Variants in ZNF704 observed in about 807,000 individuals in gnomAD.
The protein encoded by ZNF704 is zinc finger protein 704.
In ZNF704, 10 loss-of-function variants were observed where a neutral mutation model predicts 44.7. That is an observed-to-expected ratio of 0.22 (90% CI 0.14 to 0.38). The LOEUF (loss-of-function observed/expected upper bound fraction) is 0.38, where lower values mean the gene tolerates loss of function less well. ZNF704 is among the 10% of genes least tolerant of loss of function. The pLI, the probability that ZNF704 is intolerant of heterozygous loss-of-function variation, is 1.00. For missense variants in ZNF704, 390 were observed against 545.5 expected (o/e 0.71, Z 2.84); for synonymous variants, 211 against 207.6 (o/e 1.02, Z -0.14).
intron 1 of ZNF704, among the ~76,000 whole-genome samples, chr8:80,829,957 G>A (rs1048093673): frequency 3.3e-5 from 5 of 152,128 alleles, no homozygotes; most frequent in South Asian, 2.1e-4. Context: ...TAATGCTAGC[G>A]GAAGGGGCAG....
chr8:80,815,048 A>G (rs1183406852), intron 2 of ZNF704, among the ~76,000 whole-genome samples: 1 of 152,178 alleles, frequency 6.6e-6, no homozygotes, highest in African/African-American at 2.4e-5. Context: ...AGCTCAGATC[A>G]TTTCCTAACT....
At chr8:80,781,209 G>A (rs1807516924) in intron 2 of ZNF704, among the ~76,000 whole-genome samples, 1 of 152,032 alleles carries the variant, frequency 6.6e-6, no homozygotes, top group African/African-American at 2.4e-5. Context: ...TCTGAGGTGG[G>A]GCTCAAAAAT....
chr8:80,751,840 T>G (rs1383043291), intron 2 of ZNF704, among the ~76,000 whole-genome samples: 1 of 152,174 alleles, frequency 6.6e-6, no homozygotes, highest in Non-Finnish European at 1.5e-5. Context: ...CTCCACCTCC[T>G]GGGTTCAAGC....
intron 5 of ZNF704, among the ~76,000 whole-genome samples, chr8:80,670,132 T>C (rs979106558): frequency 6.6e-6 from 1 of 152,174 alleles, no homozygotes; most frequent in African/African-American, 2.4e-5. Context: ...CAATCACAGA[T>C]TCCAGGTTAC....
chr8:80,791,490 C>T (rs913007828), intron 2 of ZNF704, among the ~76,000 whole-genome samples: 4 of 152,184 alleles, frequency 2.6e-5, no homozygotes, highest in Admixed American at 6.5e-5. Flanking sequence ...GTGGCTCACA[C>T]AGGGGCATGT....
chr8:80,873,913 C>G (rs1365673994), intron 1 of ZNF704, among the ~76,000 whole-genome samples: 1 of 146,094 alleles, frequency 6.8e-6, no homozygotes, highest in Non-Finnish European at 1.5e-5. Context: ...GGGCCGGGCC[C>G]GGGACAGGGG....
At position 80,776,345 on chromosome 8, in the gene ZNF704, G is replaced by T. The variant is rs73268666; in HGVS notation, c.221+45029C>A. ...ATACCACCACCAATGCATGAAAATA[G>T]GAGCATGTCTGCACCCTCTCCAGCA... On this transcript the variant is annotated intron_variant, in intron 2 of 8. Transcript: ENST00000327835. Among the ~76,000 whole-genome samples, 664 of 152,242 alleles carry T rather than the reference G, an allele frequency of 4.4e-3. 4 individuals are homozygous for T. The highest frequency in any genetic ancestry group is 0.015 in the African/African-American group (608 of 41,536).
intron 1 of ZNF704, among the ~76,000 whole-genome samples, chr8:80,826,517 C>G (rs555359833): frequency 1.4e-3 from 217 of 152,256 alleles, no homozygotes; most frequent in African/African-American, 5.0e-3. Flanking sequence ...TGGTACCATT[C>G]CTTCTGAAAC....
At position 80,633,110 on chromosome 8, in the gene ZNF704, A is replaced by G. The variant is rs953894861; in HGVS notation, c.*8256T>C. The G allele has an allele frequency of 6.6e-6, 1 of 152,246 alleles. No individual in the cohort carries two copies. The highest frequency in any genetic ancestry group is 1.5e-5 in the Non-Finnish European group (1 of 68,046). The allele number at this position is 152,246 out of a possible 1,614,324, so 9.4% of individuals were successfully genotyped here. On this transcript the variant is annotated 3_prime_UTR_variant, in exon 9 of 9. Coordinates refer to ENST00000327835, the MANE Select transcript of ZNF704 (RefSeq NM_001033723.3). ...AATGAAAGAAATCTCAGGCATTGCC[A>G]ATGTCATTTAAATTGCATTCATATT...
At chr8:80,665,972 T>TATTA (rs1442316129) in intron 5 of ZNF704, among the ~76,000 whole-genome samples, 12 of 145,384 alleles carry the variant, frequency 8.3e-5, no homozygotes, top group African/African-American at 3.0e-4. Context: ...TTTATTTATT[T>TATTA]TTTTATTATA....
At chr8:80,691,686 C>T (rs1818637931) in intron 3 of ZNF704, among the ~76,000 whole-genome samples, 1 of 152,162 alleles carries the variant, frequency 6.6e-6, no homozygotes, top group Non-Finnish European at 1.5e-5. Flanking sequence ...TAATTCTGTA[C>T]CTTCAGCCCA....
intron 2 of ZNF704, among the ~76,000 whole-genome samples, chr8:80,737,047 AAC>A (rs1251752982): frequency 2.6e-5 from 4 of 152,284 alleles, no homozygotes; most frequent in Middle Eastern, 3.4e-3. Context: ...GAAGAAAAAT[AAC>A]AGTTTTTGAA....
At chr8:80,685,511 G>A (rs1264643402) in intron 4 of ZNF704, among the ~76,000 whole-genome samples, 1 of 152,104 alleles carries the variant, frequency 6.6e-6, no homozygotes, top group Non-Finnish European at 1.5e-5. Flanking sequence ...AAGACTTCAG[G>A]TCCCTACCAC....
At position 80,634,696 on chromosome 8, in the gene ZNF704, A is replaced by G. The variant is rs1817639297; in HGVS notation, c.*6670T>C. The G allele has an allele frequency of 6.6e-6, 1 of 152,326 alleles. No homozygotes were observed. Among genetic ancestry groups the G allele is most frequent in the South Asian group, 2.1e-4 (1 of 4,820 alleles). 9.4% of individuals were successfully genotyped at this position (152,326 alleles called of 1,614,324 possible). On this transcript the variant is annotated 3_prime_UTR_variant, in exon 9 of 9. Transcript: ENST00000327835. ...AAGAGGGCATGTGTTCTGCAGTTCA[A>G]CCTGGTCTCCACCATTCTTGTGTTC...
At chr8:80,826,642 T>C (rs1341915645) in intron 1 of ZNF704, among the ~76,000 whole-genome samples, 1 of 152,150 alleles carries the variant, frequency 6.6e-6, no homozygotes, top group Non-Finnish European at 1.5e-5. Context: ...TTTAGACCAA[T>C]ATCCCTGATG....
At chr8:80,749,100 C>T (rs1020048274) in intron 2 of ZNF704, among the ~76,000 whole-genome samples, 2 of 152,146 alleles carry the variant, frequency 1.3e-5, no homozygotes, top group African/African-American at 2.4e-5. Context: ...CCATCTACTT[C>T]CTAACTACTA....
chr8:80,758,627 T>C (rs1231379904), intron 2 of ZNF704, among the ~76,000 whole-genome samples: 1 of 152,208 alleles, frequency 6.6e-6, no homozygotes, highest in Non-Finnish European at 1.5e-5. Context: ...AGGCTCTTAC[T>C]AGATGAAAGC....
chr8:80,680,687 A>T (rs1195552010), intron 4 of ZNF704, among the ~76,000 whole-genome samples: 1 of 152,246 alleles, frequency 6.6e-6, no homozygotes, highest in Non-Finnish European at 1.5e-5. Context: ...TAGGGGTTCC[A>T]GAAGCAGCTA....
At chr8:80,696,630 C>G (rs1399675243) in intron 2 of ZNF704, among the ~76,000 whole-genome samples, 1 of 152,194 alleles carries the variant, frequency 6.6e-6, no homozygotes, top group Non-Finnish European at 1.5e-5. Flanking sequence ...GTTGACCACG[C>G]TGGTCTCAAA....
Sources: gnomAD v4.1 joint callset for allele counts (sites outside exome capture counted in the v4.1 genomes callset) on GRCh38, gnomAD v4.1.1 for gene constraint, MANE v1.5 for transcripts, NCBI Gene and HGNC (gene_info 2026-07-23, HGNC 2026-07-21) for gene names.